COL23A1: variants seen among roughly 807,000 people sequenced by gnomAD.
COL23A1 encodes the protein collagen type XXIII alpha 1 chain, also known as collagen alpha-1(XXIII) chain.
Under a neutral mutation model 99.3 loss-of-function variants are expected in COL23A1, and 97 were observed. The observed-to-expected ratio is 0.98, with a 90% confidence interval of 0.83 to 1.16. The LOEUF (loss-of-function observed/expected upper bound fraction) is 1.16. COL23A1 is among the 50% of genes most tolerant of loss of function. The probability of loss-of-function intolerance (pLI) is 0.00; values close to 1 mark genes in which losing one functional copy is unlikely to be tolerated. For synonymous variants in COL23A1, 320 were observed against 308.2 expected, an observed-to-expected ratio of 1.04 and a Z score of -0.40; for missense variants, 762 against 757.4, an observed-to-expected ratio of 1.01 and a Z score of -0.07.
rs370709930 is a variant in COL23A1 at position 178,585,591 on chromosome 5, C to T, written c.294+4313G>A. 4.7e-5 allele frequency among the ~76,000 whole-genome samples: 7 copies of T among 148,238 alleles called. No individual in the cohort carries two copies. In the East Asian group the frequency reaches 8.2e-4, roughly 17 times the overall value. ...GGTAACACTCCACAGCCCTGGATGGCGCTGGGGTAACACTCCACAGCCCTG... is the reference window on the plus strand; with the variant it reads ...GGTAACACTCCACAGCCCTGGATGGTGCTGGGGTAACACTCCACAGCCCTG... On this transcript the variant is annotated intron_variant, in intron 1 of 28. Coordinates refer to ENST00000390654, the MANE Select transcript of COL23A1 (RefSeq NM_173465.4).
At chr5:178,547,476 CCCACACACACACCCACACAT>C (rs1452685687) in intron 2 of COL23A1, among the ~76,000 whole-genome samples, 25 of 135,746 alleles carry the variant, frequency 1.8e-4, no homozygotes, top group Non-Finnish European at 4.8e-5. Context: ...CACCCACACA[CCCACACACACACCCACACAT>C]CCCCATACAC....
intron 8 of COL23A1, chr5:178,265,554 C>T (rs1027449795): frequency 2.3e-6 from 1 of 442,794 alleles, no homozygotes; most frequent in Non-Finnish European, 3.0e-6. Context: ...CCTGCTCCTC[C>T]CTCAGGGATT....
intron 2 of COL23A1, among the ~76,000 whole-genome samples, chr5:178,542,338 T>C (rs1353537426): frequency 6.6e-6 from 1 of 152,158 alleles, no homozygotes; most frequent in Non-Finnish European, 1.5e-5. Flanking sequence ...GCCCTGTAGC[T>C]GGTTACATTT....
chr5:178,314,955 C>A (rs1414356371), intron 2 of COL23A1, among the ~76,000 whole-genome samples: 1 of 152,156 alleles, frequency 6.6e-6, no homozygotes. Flanking sequence ...GTTTTCATAA[C>A]CTCTTCTTGG....
chr5:178,303,535 C>G (rs1262436379), intron 3 of COL23A1, among the ~76,000 whole-genome samples: 1 of 152,182 alleles, frequency 6.6e-6, no homozygotes, highest in East Asian at 1.9e-4. Context: ...AGAAGTGCTT[C>G]TTCCACTGGA....
At chr5:178,502,695 T>C (rs1462633891) in intron 2 of COL23A1, among the ~76,000 whole-genome samples, 2 of 152,168 alleles carry the variant, frequency 1.3e-5, no homozygotes, top group Non-Finnish European at 2.9e-5. Flanking sequence ...GGAAAACATT[T>C]TGGAATCATA....
At chr5:178,311,564 G>A (rs1046177814) in intron 2 of COL23A1, among the ~76,000 whole-genome samples, 6 of 150,378 alleles carry the variant, frequency 4.0e-5, no homozygotes, top group South Asian at 2.1e-4. Context: ...GGGTTCTTTC[G>A]TGTGTGTGTG....
At chr5:178,410,671 G>T (rs533326669) in intron 2 of COL23A1, among the ~76,000 whole-genome samples, 2 of 152,224 alleles carry the variant, frequency 1.3e-5, no homozygotes, top group East Asian at 3.9e-4. Context: ...AAAATTCTTA[G>T]AAGAAAACAC....
chr5:178,385,891 G>C (rs1014989956), intron 2 of COL23A1, among the ~76,000 whole-genome samples: 10 of 152,192 alleles, frequency 6.6e-5, no homozygotes, highest in South Asian at 2.1e-4. Context: ...TTTTAGTCTG[G>C]GATTTCATAC....
At chr5:178,331,144 A>G (rs1399853337) in intron 2 of COL23A1, among the ~76,000 whole-genome samples, 4 of 152,254 alleles carry the variant, frequency 2.6e-5, no homozygotes, top group Non-Finnish European at 5.9e-5. Context: ...CCAAGTTGCA[A>G]GCTGGCAGAG....
intron 24 of COL23A1, 81 bp from the exon 25 acceptor site, chr5:178,246,049 G>A (rs1345638772): frequency 2.0e-6 from 3 of 1,530,238 alleles, no homozygotes; most frequent in African/African-American, 1.4e-5. Flanking sequence ...AGCCCTGTGG[G>A]TTGGCCACAG....
In COL23A1 at chr5:178,331,016, C is replaced by A. The variant is rs932759883; in HGVS notation, c.362-24097G>T. On this transcript the variant is annotated intron_variant, in intron 2 of 28. Transcript: ENST00000390654. ...TCTGCTAGAATGCAGACTTCTCAGC[C>A]GGATAAACCTCGTCTCTCTTATTTC... is the stretch of plus-strand genomic sequence containing the variant. Among the ~76,000 whole-genome samples, 3 of 152,340 alleles carry A rather than the reference C, an allele frequency of 2.0e-5. No individual in the cohort carries two copies. In the South Asian group the frequency reaches 6.2e-4, roughly 32 times the overall value.
At chr5:178,302,036 G>GCCGCAGCACAGCTTCAATTCACCT (rs1758075789) in intron 3 of COL23A1, among the ~76,000 whole-genome samples, 1 of 42,790 alleles carries the variant, frequency 2.3e-5, no homozygotes, top group Non-Finnish European at 6.3e-5. Flanking sequence ...CTCTGTGTGT[G>GCCGCAGCACAGCTTCAATTCACCT]CTGGAGCACG....
At chr5:178,579,779 C>T (rs527949724) in intron 1 of COL23A1, among the ~76,000 whole-genome samples, 2 of 152,296 alleles carry the variant, frequency 1.3e-5, no homozygotes, top group East Asian at 3.9e-4. Flanking sequence ...TGCCACTCCA[C>T]GCATCCATCA....
chr5:178,575,741 G>A (rs1763316893), intron 1 of COL23A1, among the ~76,000 whole-genome samples: 1 of 152,230 alleles, frequency 6.6e-6, no homozygotes, highest in Admixed American at 6.5e-5. Flanking sequence ...ACGCAGGACA[G>A]TTCCTGGGAA....
Position 178,255,663 on chromosome 5 carries a change from T to C in COL23A1, c.883-637A>G, listed in dbSNP as rs752283. The stretch of plus-strand genomic sequence containing the variant: ...TTGGTCCAGACCCGAGCCTATCCCT[T>C]GTGCAGGCTGGAGACCCTTGCTTGG... On this transcript the variant is annotated intron_variant, in intron 15 of 28. Coordinates refer to ENST00000390654, the MANE Select transcript of COL23A1 (RefSeq NM_173465.4). The surrounding 1 kb of genome is among the most constrained non-coding windows in gnomAD (Gnocchi z 4.2). 78,757 of 217,570 alleles carry C rather than the reference T, an allele frequency of 0.36. 15,840 individuals are homozygous for C. The highest frequency in any genetic ancestry group is 0.47 in the South Asian group (9,320 of 19,894). 13.5% of individuals were successfully genotyped at this position (217,570 alleles called of 1,614,324 possible).
chr5:178,571,159 C>T (rs1194284027), intron 1 of COL23A1, among the ~76,000 whole-genome samples: 6 of 152,020 alleles, frequency 3.9e-5, no homozygotes, highest in South Asian at 2.1e-4. Flanking sequence ...ATCAGGAGTT[C>T]GAGACCAGCC....
At chr5:178,588,368 T>C (rs1467178497) in intron 1 of COL23A1, among the ~76,000 whole-genome samples, 1 of 152,224 alleles carries the variant, frequency 6.6e-6, no homozygotes, top group African/African-American at 2.4e-5. Context: ...GTATCAGGAC[T>C]TCTGATTTAC....
chr5:178,556,026 A>G (rs1319036190), intron 2 of COL23A1, among the ~76,000 whole-genome samples: 1 of 152,238 alleles, frequency 6.6e-6, no homozygotes, highest in African/African-American at 2.4e-5. Context: ...CAGGCTACAC[A>G]GCAGGCCTTC....
Sources: gnomAD v4.1 joint callset for allele counts (sites outside exome capture counted in the v4.1 genomes callset) on GRCh38, gnomAD v4.1.1 for gene constraint, Gnocchi (gnomAD v3.1) non-coding constraint, MANE v1.5 for transcripts, NCBI Gene and HGNC (gene_info 2026-07-23, HGNC 2026-07-21) for gene names.